Variants in PRDX3 observed in about 807,000 individuals in gnomAD.
PRDX3 encodes thioredoxin-dependent peroxide reductase, mitochondrial.
PRDX3 carries 20 observed loss-of-function variants against 30.4 expected under a neutral mutation model. The ratio of observed to expected loss-of-function variants is 0.66; its 90% confidence interval spans 0.46 to 0.96. PRDX3 has a LOEUF of 0.96. Among genes scored for constraint, PRDX3 ranks in the 40% least tolerant of loss-of-function variants. The probability of loss-of-function intolerance (pLI) is 0.00; values close to 1 mark genes in which losing one functional copy is unlikely to be tolerated. For missense variants in PRDX3, 322 were observed against 318.3 expected (o/e 1.01, Z -0.09); for synonymous variants, 124 against 117.8 (o/e 1.05, Z -0.34).
Position 119,168,379 on chromosome 10 carries a change from G to T in PRDX3, c.*101C>A. ...AATACTTATGAATACAAGCATAATT[G>T]GTTCCTTGCCTTCTACAAATAACCA... On this transcript the variant is annotated 3_prime_UTR_variant, in exon 7 of 7. Transcript: ENST00000298510. 6.4e-7 allele frequency: 1 copy of T among 1,573,284 alleles called. No individual in the cohort carries two copies. The highest frequency in any genetic ancestry group is 8.6e-7 in the Non-Finnish European group (1 of 1,165,612).
At chr10:119,176,169 T>G (rs1848021309) in intron 2 of PRDX3, among the ~76,000 whole-genome samples, 1 of 152,112 alleles carries the variant, frequency 6.6e-6, no homozygotes, top group South Asian at 2.1e-4. Context: ...GTGTCAAAAC[T>G]GAAAAGGACT....
At chr10:119,174,382 T>C in intron 3 of PRDX3, 69 bp downstream of exon 3, 1 of 1,492,124 alleles carries the variant, frequency 6.7e-7, no homozygotes, top group Non-Finnish European at 9.0e-7. Flanking sequence ...GGATAGACAA[T>C]TCAGTGTGGG....
Position 119,178,770 on chromosome 10 carries a change from C to G in PRDX3, c.21G>C (p.Arg7=). 1.3e-6 allele frequency: 2 copies of G among 1,552,978 alleles called. No individual in the cohort carries two copies. The highest frequency in any genetic ancestry group is 2.4e-5 in the South Asian group (2 of 84,228). Residue 7 remains arginine, a synonymous_variant, in exon 1 of 7, where the codon CGG becomes CGC. Transcript: ENST00000298510. MAAAVG[R]LLRASVARHV... is the part of the protein sequence containing the mutation. The stretch of plus-strand genomic sequence containing the variant: ...AGCCACTCACCGACGCTCGGAGCAA[C>G]CGTCCTACAGCAGCCGCCATCTTCA...
intron 1 of PRDX3, 40 bp from the exon 2 acceptor site, chr10:119,177,193 T>C (rs1173703906): frequency 6.2e-7 from 1 of 1,606,522 alleles, no homozygotes; most frequent in South Asian, 1.1e-5. Context: ...TTTCCTGGAC[T>C]GGTGACTGAA....
chr10:119,177,231 G>C (rs993299990), intron 1 of PRDX3, 78 bp from the exon 2 acceptor site: 25 of 1,475,906 alleles, frequency 1.7e-5, no homozygotes, highest in Non-Finnish European at 2.3e-5. Flanking sequence ...GCCAACGGTG[G>C]TTTCAGCTGT....
Position 119,169,201 on chromosome 10 carries a change from C to A in PRDX3, c.693G>T (p.Ala231=). ...CCGTAGGAGAATCCGGTGTCCAGTT[C>A]GCTGGGCAGACTTCTCCATGTGTTT... ...YVETHGEVCP[A]NWTPDSPTIK... Residue 231 remains alanine (A), a synonymous_variant, in exon 6 of 7, where the codon GCG becomes GCT. Transcript: ENST00000298510. The A allele has an allele frequency of 6.2e-7, 1 of 1,612,462 alleles. No homozygotes were observed. The highest frequency in any genetic ancestry group is 8.5e-7 in the Non-Finnish European group (1 of 1,180,004).
chr10:119,176,292 A>G (rs1287224684), intron 2 of PRDX3, among the ~76,000 whole-genome samples: 1 of 152,202 alleles, frequency 6.6e-6, no homozygotes, highest in Non-Finnish European at 1.5e-5. Context: ...CCAGTGGAGT[A>G]AAGTTTTAAG....
At chr10:119,169,503 C>T in intron 5 of PRDX3, 161 bp from the exon 6 acceptor site, 1 of 605,390 alleles carries the variant, frequency 1.7e-6, no homozygotes, top group Non-Finnish European at 2.8e-6. Flanking sequence ...AAAAACTTAT[C>T]ATCTCTTACT....
At position 119,168,044 on chromosome 10, in the gene PRDX3, T is replaced by C; in HGVS notation, c.*436A>G. On this transcript the variant is annotated 3_prime_UTR_variant, in exon 7 of 7. Transcript: ENST00000298510. ...CACGGCTAATCATTGAAAATTATGATCTTTGTTAGCTTAAAAGAAAATTCA... is the reference window on the plus strand; with the variant it reads ...CACGGCTAATCATTGAAAATTATGACCTTTGTTAGCTTAAAAGAAAATTCA... 6.1e-6 allele frequency: 1 copy of C among 162,894 alleles called. No individual in the cohort carries two copies. Among genetic ancestry groups the C allele is most frequent in the South Asian group, 1.7e-4 (1 of 6,032 alleles). 10.1% of individuals were successfully genotyped at this position (162,894 alleles called of 1,614,324 possible). A position where few individuals can be genotyped will look rare whatever the true frequency, so the allele number is the denominator to read the frequency against.
rs201386060 is a variant in PRDX3 at position 119,177,161 on chromosome 10, G to A, written c.37-8C>T. 1.8e-5 allele frequency: 29 copies of A among 1,612,372 alleles called. No individual in the cohort carries two copies. The highest frequency in any genetic ancestry group is 2.3e-5 in the Non-Finnish European group (27 of 1,179,766). On this transcript the variant is annotated splice_polypyrimidine_tract_variant and splice_region_variant and intron_variant, in intron 1 of 6. Transcript: ENST00000298510. ...ACTCACATGTCGGGCAACCTGGAAAGAGAAACTTTTTATTAGAAAGTTTTC... is the reference window on the plus strand; with the variant it reads ...ACTCACATGTCGGGCAACCTGGAAAAAGAAACTTTTTATTAGAAAGTTTTC...
intron 4 of PRDX3, 84 bp downstream of exon 4, chr10:119,173,653 C>A: frequency 7.0e-7 from 1 of 1,427,146 alleles, no homozygotes; most frequent in Non-Finnish European, 9.5e-7. Context: ...GTAATTTGAT[C>A]TTGATAGTCC....
chr10:119,176,379 T>C (rs1226828032), intron 2 of PRDX3, among the ~76,000 whole-genome samples: 1 of 152,216 alleles, frequency 6.6e-6, no homozygotes, highest in Non-Finnish European at 1.5e-5. Context: ...TAGAACATTT[T>C]GCCCACAAAC....
In PRDX3 at chr10:119,171,029, CTTTGTTTG is replaced by C. The variant is rs142907226; in HGVS notation, c.551+1345_551+1352del. On this transcript the variant is annotated intron_variant, in intron 5 of 6. Coordinates refer to ENST00000298510, the MANE Select transcript of PRDX3 (RefSeq NM_006793.5). Reference sequence around the variant, plus strand: ...CCTACAAGACAGGCAGGTGAGCTGGCTTTGTTTGTTTGTTTGTTTGTTTGCTTTTGAGA... The same window carrying C: ...CCTACAAGACAGGCAGGTGAGCTGGCTTTGTTTGTTTGTTTGCTTTTGAGA... 2.8e-3 allele frequency: 440 copies of C among 155,494 alleles called. 6 individuals are homozygous for C. The highest frequency in any genetic ancestry group is 9.7e-3 in the African/African-American group (403 of 41,428). 9.6% of individuals were successfully genotyped at this position (155,494 alleles called of 1,614,324 possible). A position where few individuals can be genotyped will look rare whatever the true frequency, so the allele number is the denominator to read the frequency against.
chr10:119,170,215 C>T (rs1036105805), intron 5 of PRDX3: 2 of 152,200 alleles, frequency 1.3e-5, no homozygotes, highest in South Asian at 2.1e-4. Context: ...TTTCAGGTAT[C>T]AATCACTCAT....
At chr10:119,176,923 T>G (rs1848041768) in intron 2 of PRDX3, 98 bp downstream of exon 2, 2 of 1,471,994 alleles carry the variant, frequency 1.4e-6, no homozygotes, top group Non-Finnish European at 1.9e-6. Context: ...AGCTCCCAGG[T>G]GACTCTAACG....
chr10:119,174,905 G>A (rs186254105), intron 2 of PRDX3: 21 of 220,318 alleles, frequency 9.5e-5, no homozygotes, highest in Non-Finnish European at 1.8e-4. Context: ...TAAATGCTAC[G>A]TAAATAGTCG....
chr10:119,171,757 A>T (rs1182670621), intron 5 of PRDX3, among the ~76,000 whole-genome samples: 1 of 152,196 alleles, frequency 6.6e-6, no homozygotes, highest in Non-Finnish European at 1.5e-5. Flanking sequence ...GGTTAAATCA[A>T]ATCAGTTGCC....
intron 6 of PRDX3, 46 bp downstream of exon 6, chr10:119,169,131 G>A (rs368326363): frequency 1.3e-6 from 2 of 1,596,094 alleles, no homozygotes; most frequent in African/African-American, 2.7e-5. Context: ...TAGCTCTCGA[G>A]GCTGAGAGAA....
rs767051380 is a variant in PRDX3 at position 119,169,165 on chromosome 10, A to G, written c.717+12T>C. ...AACATGGACCTCACTGCTTTTGGGG[A>G]AAAAAACCTACCGTAGGAGAATCCG... is the stretch of plus-strand genomic sequence containing the variant. On this transcript the variant is annotated intron_variant, in intron 6 of 6. Transcript: ENST00000298510. The G allele has an allele frequency of 8.7e-6, 14 of 1,609,930 alleles. No individual in the cohort carries two copies. In the East Asian group the frequency reaches 8.9e-5, roughly 10 times the overall value.
Sources: gnomAD v4.1 joint callset for allele counts (sites outside exome capture counted in the v4.1 genomes callset) on GRCh38, gnomAD v4.1.1 for gene constraint, MANE v1.5 for transcripts, NCBI Gene and HGNC (gene_info 2026-07-23, HGNC 2026-07-21) for gene names.